Variants in GRIP2 observed in about 807,000 individuals in gnomAD.
The protein encoded by GRIP2 is glutamate receptor-interacting protein 2.
In GRIP2, 58 loss-of-function variants were observed where a neutral mutation model predicts 108.3. That is an observed-to-expected ratio of 0.54 (90% confidence interval 0.43 to 0.67). The LOEUF (loss-of-function observed/expected upper bound fraction) is 0.67, where lower values mean the gene tolerates loss of function less well. GRIP2 is among the 30% of genes least tolerant of loss of function. The pLI, the probability that GRIP2 is intolerant of heterozygous loss-of-function variation, is 0.00. For missense variants in GRIP2, 1,278 were observed against 1,430.6 expected (o/e 0.89, Z 1.72); for synonymous variants, 586 against 598.2 (o/e 0.98, Z 0.30).
intron 21 of GRIP2, 32 bp downstream of exon 21, chr3:14,503,534 C>T: frequency 6.6e-7 from 1 of 1,519,610 alleles, no homozygotes. Flanking sequence ...CCCCGGGTGC[C>T]CCATGCAGGC....
rs1377334920 is a variant in GRIP2, at chr3:14,512,183, C to T, written c.1720+594G>A. ...AAGGGGCAGGCATGGCAGGGAGCAG[C>T]CAGGCTGACTGCGGCTGGAGGGCTT... On this transcript the variant is annotated intron_variant, in intron 14 of 23. Transcript: ENST00000621039. This position sits in a 1 kb window ranked among gnomAD's most constrained non-coding sequence, Gnocchi z 5.1. 1.3e-5 allele frequency among the ~76,000 whole-genome samples: 2 copies of T among 152,092 alleles called. No individual in the cohort carries two copies. Among genetic ancestry groups the T allele is most frequent in the African/African-American group, 2.4e-5 (1 of 41,406 alleles).
At chr3:14,574,546 T>C in the GRIP2 span, 1 of 743,086 alleles carries the variant, frequency 1.3e-6, no homozygotes, top group Non-Finnish European at 2.5e-6. Context: ...TCCCAGTCCT[T>C]GAGTGCTGCC....
chr3:14,511,371 C>T lies in GRIP2; in HGVS notation c.1787+42G>A, dbSNP rs756529902. The T allele has an allele frequency of 2.5e-6, 4 of 1,613,852 alleles. No individual in the cohort carries two copies. In the East Asian group the frequency reaches 6.7e-5, roughly 27 times the overall value. On this transcript the variant is annotated intron_variant, in intron 15 of 23. Coordinates refer to ENST00000621039, the MANE Select transcript of GRIP2 (RefSeq NM_001080423.4). This position sits in a 1 kb window ranked among gnomAD's most constrained non-coding sequence, Gnocchi z 4.1. ...CTGGTGCATGCAGGTGCCATACTCA[C>T]TGCTGTTGGCCACTTCCCTTCCTGT...
intron 1 of GRIP2, among the ~76,000 whole-genome samples, chr3:14,529,284 A>G (rs1340666576): frequency 7.4e-5 from 4 of 53,988 alleles, no homozygotes; most frequent in African/African-American, 1.6e-4. Flanking sequence ...GTCTCAAAAA[A>G]AAAAAAAAAA....
At chr3:14,525,725 A>G in intron 2 of GRIP2, 126 bp downstream of exon 2, 2 of 1,306,770 alleles carry the variant, frequency 1.5e-6, no homozygotes, top group Non-Finnish European at 2.2e-6. Context: ...GGAGAATCAG[A>G]GAGGTTAAGT....
At chr3:14,503,301 A>T (rs565935932) in intron 21 of GRIP2, among the ~76,000 whole-genome samples, 1 of 152,210 alleles carries the variant, frequency 6.6e-6, no homozygotes, top group Non-Finnish European at 1.5e-5. Context: ...TATGCTCCCA[A>T]TGTACACATG....
Position 14,523,765 on chromosome 3 carries a change from AG to A in GRIP2, c.404-68del, listed in dbSNP as rs1694476771. ...TCTCCAGGCCGGTAGATGTGCCCAA[AG>A]CTCATTCCAGGAGGACTGGGTGATC... On this transcript the variant is annotated intron_variant, in intron 4 of 23. Transcript: ENST00000621039. The A allele has an allele frequency of 3.8e-6, 4 of 1,044,914 alleles. No individual in the cohort carries two copies. The East Asian group carries it at 1.0e-4, about 26-fold the overall frequency. 64.7% of individuals were successfully genotyped at this position (1,044,914 alleles called of 1,614,324 possible).
the GRIP2 span, chr3:14,574,232 C>G: frequency 2.3e-6 from 2 of 873,808 alleles, no homozygotes; most frequent in Non-Finnish European, 1.9e-6. Context: ...TGTCCTCGAT[C>G]TGTCGCTTGA....
chr3:14,538,499 G>A (rs1408065520), intron 1 of GRIP2, among the ~76,000 whole-genome samples: 1 of 152,224 alleles, frequency 6.6e-6, no homozygotes, highest in African/African-American at 2.4e-5. Flanking sequence ...GTGAAGCAGA[G>A]CAAGCTACGA....
In GRIP2 at chr3:14,507,979, G is replaced by T. The variant is rs1693978669; in HGVS notation, c.2079-279C>A. ...CAGGTTTTGAGAATCCCACATACTA[G>T]CTGCCAAATACTTGCTATGTGATCT... On this transcript the variant is annotated intron_variant, in intron 17 of 23. Coordinates refer to ENST00000621039, the MANE Select transcript of GRIP2 (RefSeq NM_001080423.4). The surrounding 1 kb of genome is among the most constrained non-coding windows in gnomAD (Gnocchi z 4.6). 6.6e-6 allele frequency among the ~76,000 whole-genome samples: 1 copy of T among 152,224 alleles called. No homozygotes were observed. The highest frequency in any genetic ancestry group is 1.5e-5 in the Non-Finnish European group (1 of 68,044).
intron 21 of GRIP2, among the ~76,000 whole-genome samples, chr3:14,499,720 CAACA>C (rs1414773708): frequency 3.3e-5 from 5 of 151,952 alleles, no homozygotes; most frequent in African/African-American, 1.2e-4. Flanking sequence ...CCAGCCTGAG[CAACA>C]AACAGAGTGA....
At chr3:14,598,050 C>G in the GRIP2 span, among the ~76,000 whole-genome samples, 2 of 152,200 alleles carry the variant, frequency 1.3e-5, no homozygotes, top group South Asian at 4.1e-4. Flanking sequence ...TGCATTAGCT[C>G]CAGATGCCGC....
the GRIP2 span, among the ~76,000 whole-genome samples, chr3:14,583,655 A>T: frequency 6.6e-6 from 1 of 152,110 alleles, no homozygotes; most frequent in Non-Finnish European, 1.5e-5. Flanking sequence ...TAATCAGCTC[A>T]TTAACCCCCT....
At chr3:14,499,976 G>A (rs900568617) in intron 21 of GRIP2, among the ~76,000 whole-genome samples, 15 of 152,168 alleles carry the variant, frequency 9.9e-5, no homozygotes, top group East Asian at 7.7e-4. Context: ...CATGCGGCCC[G>A]TGGGCCACAG....
rs568879355 is a variant in GRIP2 at position 14,512,604 on chromosome 3, G to T, written c.1720+173C>A. ...TGAAGCTTTGGGAAGCTGGGGTCTC[G>T]CTGAGAACACGCAGCTGGGTCCACG... is the stretch of plus-strand genomic sequence containing the variant. On this transcript the variant is annotated intron_variant, in intron 14 of 23. Transcript: ENST00000621039. The surrounding 1 kb of genome is among the most constrained non-coding windows in gnomAD (Gnocchi z 5.1). Among the ~76,000 whole-genome samples the T allele has an allele frequency of 1.3e-5, 2 of 152,184 alleles. No individual in the cohort carries two copies. Among genetic ancestry groups the T allele is most frequent in the Non-Finnish European group, 1.5e-5 (1 of 68,036 alleles).
intron 1 of GRIP2, among the ~76,000 whole-genome samples, chr3:14,526,766 T>A (rs1374905286): frequency 6.6e-6 from 1 of 152,210 alleles, no homozygotes; most frequent in Non-Finnish European, 1.5e-5. Context: ...AAATCTGTCT[T>A]TTTTGCTTCT....
intron 19 of GRIP2, 123 bp downstream of exon 19, chr3:14,506,678 T>A: frequency 2.1e-6 from 2 of 954,128 alleles, no homozygotes. Context: ...GAAGGGCCCC[T>A]AAAGGATGCC....
chr3:14,554,530 T>C (rs1400080916), intron 1 of GRIP2, among the ~76,000 whole-genome samples: 1 of 151,842 alleles, frequency 6.6e-6, no homozygotes, highest in Admixed American at 6.6e-5. Flanking sequence ...TTCCTGATGT[T>C]CTCCAGGCAC....
chr3:14,520,881 A>C, intron 7 of GRIP2: 1 of 264,878 alleles, frequency 3.8e-6, no homozygotes, highest in Non-Finnish European at 7.3e-6. Context: ...ATCTCAGGAA[A>C]TGGCACCTCC....
Sources: gnomAD v4.1 joint callset for allele counts (sites outside exome capture counted in the v4.1 genomes callset) on GRCh38, gnomAD v4.1.1 for gene constraint, Gnocchi (gnomAD v3.1) non-coding constraint, MANE v1.5 for transcripts, NCBI Gene and HGNC (gene_info 2026-07-23, HGNC 2026-07-21) for gene names.